The following PPP6R1 variants were observed in gnomAD, a reference collection of about 807,000 sequenced individuals.
PPP6R1 encodes protein phosphatase 6 regulatory subunit 1.
Under a neutral mutation model 104.6 loss-of-function variants are expected in PPP6R1, and 39 were observed. That is an observed-to-expected ratio of 0.37 (90% CI 0.29 to 0.49). The LOEUF is 0.49. PPP6R1 is among the 20% of genes least tolerant of loss of function. The pLI is 0.98. For missense variants in PPP6R1, 1,181 were observed against 1,155.8 expected (o/e 1.02, Z -0.32); for synonymous variants, 549 against 479.0 (o/e 1.15, Z -1.91).
At chr19:55,233,165 T>C (rs771771970) in intron 17 of PPP6R1, 5 of 152,260 alleles carry the variant, frequency 3.3e-5, no homozygotes, top group Non-Finnish European at 5.9e-5. Flanking sequence ...TATGGGACTA[T>C]ATACTATGTC....
chr19:55,247,526 G>A (rs932835399), intron 1 of PPP6R1, among the ~76,000 whole-genome samples: 3 of 152,206 alleles, frequency 2.0e-5, no homozygotes. Flanking sequence ...TGAGGGTCTG[G>A]GTCCACTATC....
At position 55,236,080 on chromosome 19, in the gene PPP6R1, C is replaced by A. The variant is rs530095916; in HGVS notation, c.1988+563G>T. Among the ~76,000 whole-genome samples the A allele has an allele frequency of 4.0e-5, 6 of 151,764 alleles. No individual in the cohort carries two copies. The South Asian group carries it at 1.0e-3, about 26-fold the overall frequency. ...TCCTGAGCTCAAGCGATCCATCCAC[C>A]TTGGCCTCCTCCCGAAGTACTGGGA... On this transcript the variant is annotated intron_variant, in intron 17 of 23. Coordinates refer to ENST00000412770, the MANE Select transcript of PPP6R1 (RefSeq NM_014931.4).
intron 15 of PPP6R1, chr19:55,239,200 A>G: frequency 1.7e-6 from 1 of 594,958 alleles, no homozygotes; most frequent in East Asian, 2.8e-5. Flanking sequence ...AAGAGACTGC[A>G]GAGCTGGAAC....
At chr19:55,237,146 A>C (rs1446257976) in intron 15 of PPP6R1, among the ~76,000 whole-genome samples, 176 bp from the exon 16 acceptor site, 1 of 152,234 alleles carries the variant, frequency 6.6e-6, no homozygotes, top group Non-Finnish European at 1.5e-5. Context: ...CGCATACATG[A>C]ATATCAACAT....
At chr19:55,251,552 G>A (rs2087553588) in intron 1 of PPP6R1, among the ~76,000 whole-genome samples, 1 of 152,170 alleles carries the variant, frequency 6.6e-6, no homozygotes, top group Admixed American at 6.5e-5. Flanking sequence ...TGTCAAGAGT[G>A]ACGAAGGCAC....
chr19:55,232,062 C>T lies in PPP6R1; in HGVS notation c.2125+13G>A, dbSNP rs1237652984. ...GCCCTGTGTACACCTGACCACACCG[C>T]CCATTCATTCACCTGGAGGCTGAGG... On this transcript the variant is annotated intron_variant, in intron 18 of 23. Transcript: ENST00000412770. 1 of 1,612,116 alleles carries T rather than the reference C, an allele frequency of 6.2e-7. No individual in the cohort carries two copies.
intron 1 of PPP6R1, among the ~76,000 whole-genome samples, chr19:55,256,893 C>T (rs1158607186): frequency 6.6e-6 from 1 of 152,016 alleles, no homozygotes. Flanking sequence ...TTCTACAAAC[C>T]CTGCACTTAA....
At position 55,240,008 on chromosome 19, in the gene PPP6R1, G is replaced by A. The variant is rs768399336; in HGVS notation, c.1468C>T (p.Leu490=). The part of the protein sequence containing the change: ...KGPNAEQLRQ[L]LKELPSEQQE... ...GCCTGGGGACCCTCACCCTTCAGCA[G>A]CTGCCGCAGCTGCTCTGCATTGGGC... Residue 490 remains leucine (L), a synonymous_variant, in exon 12 of 24, where the codon CTG becomes TTG. Coordinates refer to ENST00000412770, the MANE Select transcript of PPP6R1 (RefSeq NM_014931.4). 73 of 1,603,008 alleles carry A rather than the reference G, an allele frequency of 4.6e-5. No individual in the cohort carries two copies. Among genetic ancestry groups the A allele is most frequent in the Non-Finnish European group, 1.8e-5 (21 of 1,175,746 alleles).
chr19:55,231,892 G>A lies in PPP6R1; in HGVS notation c.2216C>T (p.Pro739Leu), dbSNP rs769436739. ...VSGEEELHTG[P>L]PAPQGPLSVP... ...ACTGAGGGGCCCCTGTGGGGCTGGA[G>A]GCCCAGTGTGCAGCTCTTCCTCCCC... is the stretch of plus-strand genomic sequence containing the variant. Residue 739 changes from proline to leucine, a missense_variant, in exon 19 of 24, where the codon CCT (proline) becomes CTT (leucine). Pro to Leu is a moderately conservative substitution (Grantham distance 98). Around this residue, in one of 2 missense-constraint regions of PPP6R1, gnomAD observed 1,042 missense variants for 955.6 expected, o/e 1.09. Transcript: ENST00000412770. The A allele has an allele frequency of 3.3e-6, 5 of 1,516,430 alleles. No individual in the cohort carries two copies. The highest frequency in any genetic ancestry group is 2.3e-5 in the East Asian group (1 of 43,084). The allele number at this position is 1,516,430 out of a possible 1,614,324, so 93.9% of individuals were successfully genotyped here.
At chr19:55,230,733 G>GCCCCCCCC in intron 22 of PPP6R1, 41 bp downstream of exon 22, 3 of 1,390,554 alleles carry the variant, frequency 2.2e-6, no homozygotes, top group Non-Finnish European at 2.9e-6. Flanking sequence ...TGCCCCACCA[G>GCCCCCCCC]CCCCACCCCC....
rs552596960 is a variant in PPP6R1, at chr19:55,231,023, G to T, written c.2460-139C>A. The T allele has an allele frequency of 2.3e-5, 17 of 732,396 alleles. No individual in the cohort carries two copies. The South Asian group carries it at 2.7e-4, about 12-fold the overall frequency. The allele number at this position is 732,396 out of a possible 1,614,324, so 45.4% of individuals were successfully genotyped here. ...CCACGGGGAGGGGCCTCCCGAGGACGCAGCTGGCTCAGCGTGGAGGGACAG... is the reference window on the plus strand; with the variant it reads ...CCACGGGGAGGGGCCTCCCGAGGACTCAGCTGGCTCAGCGTGGAGGGACAG... On this transcript the variant is annotated intron_variant, in intron 21 of 23. Transcript: ENST00000412770.
In PPP6R1 at chr19:55,240,109, G is replaced by A. The variant is rs377467623; in HGVS notation, c.1367C>T (p.Ala456Val). The A allele has an allele frequency of 2.2e-4, 350 of 1,578,932 alleles. No homozygotes were observed. Among genetic ancestry groups the A allele is most frequent in the Non-Finnish European group, 2.7e-4 (314 of 1,163,240 alleles). ...CATGTAGCCTTTCCGAGGGCCTCCC[G>A]CACACCTGGCAAGAGTGAAGGCCGC... ...SWEENDRVQC[A>V]GGPRKGYMGH... Residue 456 changes from alanine (A) to valine (V), a missense_variant, in exon 12 of 24, where the codon GCG becomes GTG. Physicochemically the swap from Ala to Val is moderately conservative, Grantham distance 64 (BLOSUM62 0). Around this residue, in one of 2 missense-constraint regions of PPP6R1, gnomAD observed 1,042 missense variants for 955.6 expected, o/e 1.09. Transcript: ENST00000412770.
At position 55,239,604 on chromosome 19, in the gene PPP6R1, A is replaced by T. The variant is rs2087431483; in HGVS notation, c.1643T>A (p.Val548Glu). 2 of 1,611,188 alleles carry T rather than the reference A, an allele frequency of 1.2e-6. No homozygotes were observed. The highest frequency in any genetic ancestry group is 2.7e-5 in the African/African-American group (2 of 74,880). The change falls in exon 14 of 24, where the codon GTG becomes GAG. Residue 548 changes from valine (V) to glutamate (E), a missense_variant. Val to Glu is a moderately radical substitution (Grantham distance 121). Coordinates refer to ENST00000412770, the MANE Select transcript of PPP6R1 (RefSeq NM_014931.4). ...LKEFNFPEEA[V>E]LQQAFMDFQM... is the part of the protein sequence containing the mutation. Reference sequence around the variant, plus strand: ...TAGCCCCACGCCCACCTGCTGCAGCACAGCCTCCTCAGGGAAGTTGAACTC... The same window carrying T: ...TAGCCCCACGCCCACCTGCTGCAGCTCAGCCTCCTCAGGGAAGTTGAACTC...
Position 55,239,410 on chromosome 19 carries a change from A to T in PPP6R1, c.1746T>A (p.Ser582Arg). ...NDEEFGEQEE[S>R]VNAPFDKTAN... ...CCTGCGCAGGAGACACTCACTTCACACTCTCCTCCTGCTCCCCAAACTCCT... is the reference window on the plus strand; with the variant it reads ...CCTGCGCAGGAGACACTCACTTCACTCTCTCCTCCTGCTCCCCAAACTCCT... Residue 582 changes from serine to arginine, a missense_variant, in exon 15 of 24, where the codon AGT becomes AGA. By Grantham distance (110) the Ser-to-Arg change is moderately radical. Around this residue, in one of 2 missense-constraint regions of PPP6R1, gnomAD observed 1,042 missense variants for 955.6 expected, o/e 1.09. Transcript: ENST00000412770. 5 of 1,612,736 alleles carry T rather than the reference A, an allele frequency of 3.1e-6. No individual in the cohort carries two copies. Among genetic ancestry groups the T allele is most frequent in the Non-Finnish European group, 4.2e-6 (5 of 1,179,108 alleles).
intron 5 of PPP6R1, among the ~76,000 whole-genome samples, chr19:55,244,238 G>T (rs1162349885): frequency 3.3e-5 from 5 of 152,328 alleles, no homozygotes; most frequent in South Asian, 2.1e-4. Flanking sequence ...GTGCGCCTCT[G>T]AGGCAGAAGT....
chr19:55,243,593 G>A (rs1176736156), intron 5 of PPP6R1, among the ~76,000 whole-genome samples: 1 of 151,850 alleles, frequency 6.6e-6, no homozygotes, highest in African/African-American at 2.4e-5. Flanking sequence ...TGAGCCCAGG[G>A]GGGTCAAGGC....
chr19:55,243,095 C>T (rs1219025396), intron 5 of PPP6R1, among the ~76,000 whole-genome samples: 1 of 152,140 alleles, frequency 6.6e-6, no homozygotes, highest in Non-Finnish European at 1.5e-5. Context: ...TGTGATGGCA[C>T]ATGCCTATAA....
At position 55,242,491 on chromosome 19, in the gene PPP6R1, G is replaced by A. The variant is rs758069571; in HGVS notation, c.619-3C>T. ...GACTGGGATGCGTTGGAATGTTGCT[G>A]GAACGGGGAGAGACAGGTGAGGATC... On this transcript the variant is annotated splice_region_variant and splice_polypyrimidine_tract_variant and intron_variant, in intron 5 of 23. Coordinates refer to ENST00000412770, the MANE Select transcript of PPP6R1 (RefSeq NM_014931.4). 6.2e-7 allele frequency: 1 copy of A among 1,611,066 alleles called. No individual in the cohort carries two copies. Among genetic ancestry groups the A allele is most frequent in the South Asian group, 1.1e-5 (1 of 91,008 alleles).
chr19:55,240,158 AG>A lies in PPP6R1; in HGVS notation c.1362-45del, dbSNP rs532128260. On this transcript the variant is annotated intron_variant, in intron 11 of 23. Transcript: ENST00000412770. ...GCGGCTGCAAGCCAGGACTGGACCC[AG>A]GGATGCCCAGCCCCAGCCCGGCCCC... The A allele has an allele frequency of 1.4e-4, 222 of 1,561,720 alleles. 4 individuals are homozygous for A. In the South Asian group the frequency reaches 2.1e-3, roughly 14 times the overall value.
Sources: allele counts gnomAD v4.1 joint callset (sites outside exome capture counted in the v4.1 genomes callset), GRCh38; gene constraint gnomAD v4.1.1; regional missense constraint gnomAD v4.1.1; transcripts MANE v1.5; gene names NCBI Gene and HGNC (gene_info 2026-07-23, HGNC 2026-07-21).